GSG1L: variants seen among roughly 807,000 people sequenced by gnomAD.
GSG1L encodes the protein GSG1 like, also known as germ cell-specific gene 1-like protein.
In GSG1L, 24 loss-of-function variants were observed where a neutral mutation model predicts 42.1. That is an observed-to-expected ratio of 0.57 (90% CI 0.41 to 0.80). The LOEUF is 0.80. Among genes scored for constraint, GSG1L ranks in the 30% least tolerant of loss-of-function variants. The probability of loss-of-function intolerance (pLI) is 0.00; values close to 1 mark genes in which losing one functional copy is unlikely to be tolerated. For missense variants in GSG1L, 445 were observed against 472.2 expected, an observed-to-expected ratio of 0.94 and a Z score of 0.53; for synonymous variants, 215 against 203.5, an observed-to-expected ratio of 1.06 and a Z score of -0.48.
At chr16:27,810,564 C>G (rs2083019865) in intron 5 of GSG1L, among the ~76,000 whole-genome samples, 1 of 152,158 alleles carries the variant, frequency 6.6e-6, no homozygotes. Flanking sequence ...ATACTCTGAA[C>G]TTTTTCTGCT....
chr16:27,803,727 G>A (rs55923294), intron 6 of GSG1L, among the ~76,000 whole-genome samples: 5,800 of 148,444 alleles, frequency 0.039, 352 homozygotes, highest in African/African-American at 0.12. Context: ...TCCTGGTCTC[G>A]AGTTTGGCTC....
intron 2 of GSG1L, among the ~76,000 whole-genome samples, chr16:27,953,487 G>A (rs2084972420): frequency 6.6e-6 from 1 of 152,180 alleles, no homozygotes; most frequent in South Asian, 2.1e-4. Context: ...AGTCTGGGAG[G>A]CCAACTGAGA....
chr16:28,033,818 G>A (rs1044172589), intron 1 of GSG1L, among the ~76,000 whole-genome samples: 2 of 152,310 alleles, frequency 1.3e-5, no homozygotes, highest in East Asian at 1.9e-4. Flanking sequence ...TCAGAGAAAT[G>A]TTTATGGGGA....
At chr16:27,957,380 G>A (rs2141101671) in intron 2 of GSG1L, among the ~76,000 whole-genome samples, 1 of 152,252 alleles carries the variant, frequency 6.6e-6, no homozygotes, top group East Asian at 1.9e-4. Flanking sequence ...TAACATGGAG[G>A]CATTGCTGTT....
intron 1 of GSG1L, among the ~76,000 whole-genome samples, chr16:27,976,689 A>G (rs1470927561): frequency 6.6e-6 from 1 of 152,206 alleles, no homozygotes; most frequent in African/African-American, 2.4e-5. Flanking sequence ...TCGGGAGGTC[A>G]CCTTAGCCAT....
intron 2 of GSG1L, among the ~76,000 whole-genome samples, chr16:27,927,496 C>T (rs565865475): frequency 1.3e-3 from 203 of 152,198 alleles, no homozygotes; most frequent in Non-Finnish European, 2.4e-3. Context: ...GGCTCAGGCC[C>T]GGCCCCTCCC....
At chr16:28,038,228 A>T (rs1328695835) in intron 1 of GSG1L, among the ~76,000 whole-genome samples, 1 of 152,164 alleles carries the variant, frequency 6.6e-6, no homozygotes, top group East Asian at 1.9e-4. Context: ...CTCCCACCTC[A>T]GCCTCCCAAG....
chr16:27,881,618 T>C (rs187260825), intron 3 of GSG1L, among the ~76,000 whole-genome samples: 49 of 152,298 alleles, frequency 3.2e-4, no homozygotes, highest in Admixed American at 2.6e-4. Context: ...CAGATTACTA[T>C]TGGTGACTAT....
At chr16:28,018,494 C>A (rs2085804639) in intron 1 of GSG1L, among the ~76,000 whole-genome samples, 2 of 152,120 alleles carry the variant, frequency 1.3e-5, no homozygotes, top group South Asian at 4.2e-4. Flanking sequence ...AGGAAAAATA[C>A]ATCCCCAAAA....
At chr16:28,029,876 G>T (rs747567164) in intron 1 of GSG1L, among the ~76,000 whole-genome samples, 3 of 152,218 alleles carry the variant, frequency 2.0e-5, no homozygotes, top group Non-Finnish European at 2.9e-5. Context: ...GCGTGTGTGT[G>T]TGTGTGCATG....
rs552492759 is a variant in GSG1L at position 27,844,964 on chromosome 16, G to A, written c.648C>T (p.Tyr216=). 18 of 1,563,702 alleles carry A rather than the reference G, an allele frequency of 1.2e-5. No homozygotes were observed. The highest frequency in any genetic ancestry group is 9.9e-5 in the East Asian group (4 of 40,514). Residue 216 remains tyrosine, a synonymous_variant, in exon 4 of 7, where the codon TAC becomes TAT. Coordinates refer to ENST00000447459, the MANE Select transcript of GSG1L (RefSeq NM_001109763.2). ...PEDWRPHSWD[Y]GWSFCLAWGS... is the part of the protein sequence containing the mutation. ...GGTCCACTTACCAGAAGGACCACCCGTAGTCCCAGGAATGGGGTCTCCAGT... is the reference window on the plus strand; with the variant it reads ...GGTCCACTTACCAGAAGGACCACCCATAGTCCCAGGAATGGGGTCTCCAGT...
At chr16:27,979,687 G>GAAAGAAAGAAAGAAGGA (rs778442144) in intron 1 of GSG1L, among the ~76,000 whole-genome samples, 7 of 24,672 alleles carry the variant, frequency 2.8e-4, no homozygotes, top group Admixed American at 1.2e-3. Context: ...GAGAAAGAAA[G>GAAAGAAAGAAAGAAGGA]AAGGAAGGAA....
intron 1 of GSG1L, among the ~76,000 whole-genome samples, chr16:27,975,426 C>T (rs1168175083): frequency 6.6e-6 from 1 of 152,166 alleles, no homozygotes; most frequent in Admixed American, 6.5e-5. Context: ...ATGCTTATTC[C>T]TGCACCTGCG....
At chr16:27,856,222 T>C (rs2083576285) in intron 3 of GSG1L, among the ~76,000 whole-genome samples, 1 of 152,030 alleles carries the variant, frequency 6.6e-6, no homozygotes, top group Admixed American at 6.5e-5. Context: ...ATTGGCCAAA[T>C]ATCCTTGTGG....
chr16:27,924,342 T>G (rs1234668349), intron 2 of GSG1L, among the ~76,000 whole-genome samples: 1 of 152,132 alleles, frequency 6.6e-6, no homozygotes, highest in Non-Finnish European at 1.5e-5. Flanking sequence ...TGTACACACA[T>G]TACTAAAGGT....
intron 2 of GSG1L, among the ~76,000 whole-genome samples, chr16:27,891,118 C>T (rs1025064732): frequency 5.3e-5 from 8 of 152,076 alleles, no homozygotes; most frequent in Non-Finnish European, 8.8e-5. Flanking sequence ...CAGAAGCAGC[C>T]GTCCCCCCGT....
chr16:28,017,621 C>A (rs1302960198), intron 1 of GSG1L, among the ~76,000 whole-genome samples: 2 of 152,182 alleles, frequency 1.3e-5, no homozygotes, highest in Non-Finnish European at 2.9e-5. Context: ...AGCCTTATAA[C>A]AAAAACTACG....
At chr16:27,887,234 G>A (rs1011324003) in intron 2 of GSG1L, among the ~76,000 whole-genome samples, 1 of 152,154 alleles carries the variant, frequency 6.6e-6, no homozygotes, top group Admixed American at 6.6e-5. Context: ...GGGACTACAG[G>A]CATGTGCACC....
intron 2 of GSG1L, among the ~76,000 whole-genome samples, chr16:27,909,663 A>T: frequency 8.0e-6 from 1 of 124,342 alleles, no homozygotes; most frequent in Non-Finnish European, 1.6e-5. Flanking sequence ...TTTTTTTGAG[A>T]CAAGGTCTTG....
Sources: gnomAD v4.1 joint callset for allele counts (sites outside exome capture counted in the v4.1 genomes callset) on GRCh38, gnomAD v4.1.1 for gene constraint, MANE v1.5 for transcripts, NCBI Gene and HGNC (gene_info 2026-07-23, HGNC 2026-07-21) for gene names.